Variants in LMF2 observed in about 807,000 individuals in gnomAD.
LMF2 encodes the protein lipase maturation factor 2.
In LMF2, 113 loss-of-function variants were observed where a neutral mutation model predicts 81.5. That is an observed-to-expected ratio of 1.39 (90% CI 1.19 to 1.62). The LOEUF (loss-of-function observed/expected upper bound fraction) is 1.62, where lower values mean the gene tolerates loss of function less well. LMF2 is among the 40% of genes most tolerant of loss of function. The pLI is 0.00. For synonymous variants in LMF2, 645 were observed against 424.5 expected (o/e 1.52, Z -6.39); for missense variants, 1,235 against 929.1 (o/e 1.33, Z -4.28).
In LMF2 at chr22:50,503,861, C is replaced by T. The variant is rs200798239; in HGVS notation, c.1762G>A (p.Val588Met). Residue 588 changes from valine to methionine, a missense_variant, in exon 13 of 14, where the codon GTG becomes ATG. Physicochemically the swap from Val to Met is conservative, Grantham distance 21 (BLOSUM62 1). Transcript: ENST00000474879. ...RQWVEEFFPS[V>M]SLGDPTLETL... ...TCCAGCGTGGGGTCCCCCAGGGACA[C>T]GGATGGGAAGAACTCCTCCACCCAC... 951 of 1,606,136 alleles carry T rather than the reference C, an allele frequency of 5.9e-4. No individual in the cohort carries two copies. Among genetic ancestry groups the T allele is most frequent in the Non-Finnish European group, 7.2e-4 (854 of 1,179,484 alleles).
Position 50,503,735 on chromosome 22 carries a change from T to C in LMF2, c.1816-36A>G, listed in dbSNP as rs759064460. 6 of 1,587,380 alleles carry C rather than the reference T, an allele frequency of 3.8e-6. No homozygotes were observed. In the African/African-American group the frequency reaches 5.4e-5, roughly 14 times the overall value. On this transcript the variant is annotated intron_variant, in intron 13 of 13. Coordinates refer to ENST00000474879, the MANE Select transcript of LMF2 (RefSeq NM_033200.3). ...GAGGGAGGGAGGGAGGTTGGGGAAGTGCTTACTGGGTTTACCCCGGGAGGC... is the reference window on the plus strand; with the variant it reads ...GAGGGAGGGAGGGAGGTTGGGGAAGCGCTTACTGGGTTTACCCCGGGAGGC...
rs2068560357 is a variant in LMF2, at chr22:50,506,202, G to A, written c.607C>T (p.His203Tyr). The change falls in exon 5 of 14, where the codon CAC (histidine) becomes TAC (tyrosine). Residue 203 changes from histidine (H) to tyrosine (Y), a missense_variant. Physicochemically the swap from His to Tyr is moderately conservative, Grantham distance 83. Coordinates refer to ENST00000474879, the MANE Select transcript of LMF2 (RefSeq NM_033200.3). Reference protein sequence around the residue: ...AWWGLTALTYHYETQCLPTPA... With the variant: ...AWWGLTALTYYYETQCLPTPA... ...GTGGGCAGGCACTGGGTCTCGTAGT[G>A]GTAGGTGAGGGCTGCAGGCGAGGGC... The A allele has an allele frequency of 6.4e-7, 1 of 1,556,674 alleles. No individual in the cohort carries two copies. Among genetic ancestry groups the A allele is most frequent in the Non-Finnish European group, 8.7e-7 (1 of 1,150,338 alleles).
chr22:50,503,278 G>A lies in LMF2; in HGVS notation c.*113C>T, dbSNP rs2068453201. On this transcript the variant is annotated 3_prime_UTR_variant, in exon 14 of 14. Coordinates refer to ENST00000474879, the MANE Select transcript of LMF2 (RefSeq NM_033200.3). The stretch of plus-strand genomic sequence containing the variant: ...AACCCCAGGGGCAGCCCCCCAACCT[G>A]TGCCTGGCCCTGCAGGGTCAGCTAA... The A allele has an allele frequency of 2.5e-6, 3 of 1,179,112 alleles. No individual in the cohort carries two copies. The highest frequency in any genetic ancestry group is 1.6e-5 in the African/African-American group (1 of 64,138). The allele number at this position is 1,179,112 out of a possible 1,614,324, so 73.0% of individuals were successfully genotyped here.
Position 50,505,081 on chromosome 22 carries a change from G to A in LMF2, c.1230C>T (p.Thr410=), listed in dbSNP as rs58516993. The A allele has an allele frequency of 4.5e-4, 733 of 1,612,982 alleles. 4 individuals carry two copies. The African/African-American group carries it at 8.2e-3, about 18-fold the overall frequency. ...CCAGGCTAATCAGGAACAAGGCCAC[G>A]GTCGCAGTGCCCACAAGGGACAGTT... ...VVQLSLVGTA[T]VALFLISLVP... Residue 410 remains threonine, a synonymous_variant, in exon 9 of 14, where the codon ACC becomes ACT. Coordinates refer to ENST00000474879, the MANE Select transcript of LMF2 (RefSeq NM_033200.3).
chr22:50,505,513 G>C lies in LMF2; in HGVS notation c.941C>G (p.Thr314Ser). 6.2e-7 allele frequency: 1 copy of C among 1,612,656 alleles called. No homozygotes were observed. ...GGCTAGTTCCAGCAGCAGCGACAGG[G>C]TGGCCAGCAGGGCCTTGGGCCAGGC... is the stretch of plus-strand genomic sequence containing the variant. ...ATSWPKALLA[T>S]LSLLLELAVY... Residue 314 changes from threonine (T) to serine (S), a missense_variant, in exon 7 of 14, where the codon ACC becomes AGC. Thr to Ser is a moderately conservative substitution (Grantham distance 58). Coordinates refer to ENST00000474879, the MANE Select transcript of LMF2 (RefSeq NM_033200.3).
chr22:50,506,291 G>GC lies in LMF2; in HGVS notation c.588dup (p.Leu197AlafsTer40). On this transcript the variant is annotated frameshift_variant, in exon 4 of 14. Transcript: ENST00000474879. LOFTEE classifies it high-confidence loss of function. The stretch of plus-strand genomic sequence containing the variant: ...TCCAGACCGGGCCCCTCACCAGTGA[G>GC]CCCCCACCACGCAGGGCAGCGGCTG... 2 of 1,549,058 alleles carry GC rather than the reference G, an allele frequency of 1.3e-6. No individual in the cohort carries two copies. The highest frequency in any genetic ancestry group is 2.4e-5 in the South Asian group (2 of 84,000).
chr22:50,505,797 T>C lies in LMF2; in HGVS notation c.793A>G (p.Ile265Val). 6.2e-7 allele frequency: 1 copy of C among 1,613,070 alleles called. No homozygotes were observed. Among genetic ancestry groups the C allele is most frequent in the Non-Finnish European group, 8.5e-7 (1 of 1,179,918 alleles). ...FYSQVLLQVL[I>V]IITGNYNFFN... ...AAGTTGTAGTTGCCGGTGATGATAA[T>C]CAGGACCTGCAGCAGCACCTGGGGG... The change falls in exon 6 of 14, where the codon ATT (isoleucine) becomes GTT (valine). Residue 265 changes from isoleucine (I) to valine (V), a missense_variant. Ile to Val is a conservative substitution (Grantham distance 29, BLOSUM62 3). Transcript: ENST00000474879.
rs1293988773 is a variant in LMF2 at position 50,504,647 on chromosome 22, C to T, written c.1518G>A (p.Trp506Ter). ...GGCCCAGGGCTGCAAACCACATCTG[C>T]CAGTCCAGGCGTGGCTGGTGGGGCA... ...VVVPHQPRLD[W>*]QMWFAALGPH... The change falls in exon 11 of 14, where the codon TGG (tryptophan) becomes TGA (stop). Residue 506 changes from tryptophan to a stop codon, truncating the protein, a stop_gained. Coordinates refer to ENST00000474879, the MANE Select transcript of LMF2 (RefSeq NM_033200.3). LOFTEE classifies it high-confidence loss of function. 2.5e-6 allele frequency: 4 copies of T among 1,608,752 alleles called. No individual in the cohort carries two copies. The highest frequency in any genetic ancestry group is 1.7e-5 in the Admixed American group (1 of 59,484).
Position 50,506,903 on chromosome 22 carries a change from T to A in LMF2, c.227A>T (p.Gln76Leu). ...EAPRLGLDTAQGLELLSLLGA... is the reference protein window; with the variant it reads ...EAPRLGLDTALGLELLSLLGA... ...CAGCAGGCTCAGCAGCTCCAGGCCC[T>A]GGGCCGTGTCCAGCCCCAGTCTCGG... Residue 76 changes from glutamine to leucine, a missense_variant, in exon 2 of 14, where the codon CAG becomes CTG. Physicochemically the swap from Gln to Leu is moderately radical, Grantham distance 113. Coordinates refer to ENST00000474879, the MANE Select transcript of LMF2 (RefSeq NM_033200.3). The A allele has an allele frequency of 1.9e-6, 3 of 1,583,462 alleles. No homozygotes were observed. Among genetic ancestry groups the A allele is most frequent in the Non-Finnish European group, 2.6e-6 (3 of 1,166,328 alleles).
chr22:50,503,801 C>T lies in LMF2; in HGVS notation c.1815+7G>A. 1.2e-6 allele frequency: 2 copies of T among 1,604,282 alleles called. No individual in the cohort carries two copies. The highest frequency in any genetic ancestry group is 1.7e-6 in the Non-Finnish European group (2 of 1,179,022). The stretch of plus-strand genomic sequence containing the variant: ...CACCTCCCCCAGCCTGGCTGACACC[C>T]CCTTACCTGTAGTCCAAACTGCCTG... On this transcript the variant is annotated splice_region_variant and intron_variant, in intron 13 of 13. Coordinates refer to ENST00000474879, the MANE Select transcript of LMF2 (RefSeq NM_033200.3).
rs762205508 is a variant in LMF2, at chr22:50,503,744, G to A, written c.1816-45C>T. ...AGGGAGGTTGGGGAAGTGCTTACTG[G>A]GTTTACCCCGGGAGGCTGGGGTCAC... is the stretch of plus-strand genomic sequence containing the variant. On this transcript the variant is annotated intron_variant, in intron 13 of 13. Coordinates refer to ENST00000474879, the MANE Select transcript of LMF2 (RefSeq NM_033200.3). 8.2e-6 allele frequency: 13 copies of A among 1,590,886 alleles called. No individual in the cohort carries two copies. In the South Asian group the frequency reaches 1.0e-4, roughly 12 times the overall value.
At chr22:50,503,753 C>G in intron 13 of LMF2, 54 bp from the exon 14 acceptor site, 2 of 1,591,690 alleles carry the variant, frequency 1.3e-6, no homozygotes, top group Non-Finnish European at 1.7e-6. Context: ...GGGTTTACCC[C>G]GGGAGGCTGG....
intron 13 of LMF2, 39 bp downstream of exon 13, chr22:50,503,769 C>A: frequency 1.3e-6 from 2 of 1,595,262 alleles, no homozygotes; most frequent in South Asian, 2.2e-5. Context: ...GCTGGGGTCA[C>A]CCCTGCCACC....
rs533892145 is a variant in LMF2, at chr22:50,504,958, C to A, written c.1281G>T (p.Gly427=). ...SLVPYSYVEP[G]THGRLWTGAH... is the part of the protein sequence containing the mutation. ...CCCCGGTCCAGAGGCGCCCGTGGGT[C>A]CCGGGCTCCACGTAGGAGTACGGCA... Residue 427 remains glycine (G), a synonymous_variant, in exon 10 of 14, where the codon GGG becomes GGT. Coordinates refer to ENST00000474879, the MANE Select transcript of LMF2 (RefSeq NM_033200.3). 6 of 1,608,728 alleles carry A rather than the reference C, an allele frequency of 3.7e-6. No individual in the cohort carries two copies. The South Asian group carries it at 6.6e-5, about 18-fold the overall frequency.
At position 50,504,435 on chromosome 22, in the gene LMF2, C is replaced by G; in HGVS notation, c.1623G>C (p.Gln541His). 1 of 1,611,948 alleles carries G rather than the reference C, an allele frequency of 6.2e-7. No homozygotes were observed. The highest frequency in any genetic ancestry group is 8.5e-7 in the Non-Finnish European group (1 of 1,179,654). Residue 541 changes from glutamine (Q) to histidine (H), a missense_variant, in exon 12 of 14, where the codon CAG becomes CAC. By Grantham distance (24) the Gln-to-His change is conservative. Coordinates refer to ENST00000474879, the MANE Select transcript of LMF2 (RefSeq NM_033200.3). ...GGAAGGGATACCTGGCCACTTGGCT[C>G]TGGACAAGGCGGATCACTGCAGCGA... Reference protein sequence around the residue: ...QGKEPVIRLVQSQVARYPFHK... With the variant: ...QGKEPVIRLVHSQVARYPFHK...
At position 50,506,188 on chromosome 22, in the gene LMF2, C is replaced by T. The variant is rs1474953615; in HGVS notation, c.621G>A (p.Gln207=). Residue 207 remains glutamine (Q), a synonymous_variant, in exon 5 of 14, where the codon CAG becomes CAA. Coordinates refer to ENST00000474879, the MANE Select transcript of LMF2 (RefSeq NM_033200.3). ...LTALTYHYET[Q]CLPTPAAWFA... Reference sequence around the variant, plus strand: ...ACCAGGCGGCGGGCGTGGGCAGGCACTGGGTCTCGTAGTGGTAGGTGAGGG... The same window carrying T: ...ACCAGGCGGCGGGCGTGGGCAGGCATTGGGTCTCGTAGTGGTAGGTGAGGG... 7.1e-6 allele frequency: 11 copies of T among 1,560,282 alleles called. No individual in the cohort carries two copies. Among genetic ancestry groups the T allele is most frequent in the African/African-American group, 1.4e-5 (1 of 73,744 alleles).
chr22:50,507,462 C>T, intron 1 of LMF2, 120 bp downstream of exon 1: 1 of 804,150 alleles, frequency 1.2e-6, no homozygotes, highest in Non-Finnish European at 2.1e-6. Flanking sequence ...CCGCCCCCTA[C>T]CCCACGCCAA....
In LMF2 at chr22:50,507,648, G is replaced by A; in HGVS notation, c.28C>T (p.Leu10Phe). 6.4e-7 allele frequency: 1 copy of A among 1,552,426 alleles called. No individual in the cohort carries two copies. The highest frequency in any genetic ancestry group is 2.0e-5 in the Admixed American group (1 of 51,074). Residue 10 changes from leucine to phenylalanine, a missense_variant, in exon 1 of 14, where the codon CTC becomes TTC. Physicochemically the swap from Leu to Phe is conservative, Grantham distance 22 (BLOSUM62 0). Transcript: ENST00000474879. Reference sequence around the variant, plus strand: ...ACGGCCGCCACGCCCTGGAGGAAGAGCTGCCGCGGGAGCCGGGAGCCCGCC... The same window carrying A: ...ACGGCCGCCACGCCCTGGAGGAAGAACTGCCGCGGGAGCCGGGAGCCCGCC... Reference protein sequence around the residue: MAGSRLPRQLFLQGVAAVFM... With the variant: MAGSRLPRQFFLQGVAAVFM...
In LMF2 at chr22:50,506,674, G is replaced by C. The variant is rs752616505; in HGVS notation, c.349-8C>G. 3 of 1,613,688 alleles carry C rather than the reference G, an allele frequency of 1.9e-6. No homozygotes were observed. In the Middle Eastern group the frequency reaches 4.9e-4, roughly 266 times the overall value. ...AAGGAACACCTGGCCCACCTGCGGA[G>C]AGAGGGGCTGTCAGGGAGCGGGTGT... On this transcript the variant is annotated splice_polypyrimidine_tract_variant and splice_region_variant and intron_variant, in intron 2 of 13. Coordinates refer to ENST00000474879, the MANE Select transcript of LMF2 (RefSeq NM_033200.3).
Sources: gnomAD v4.1 joint callset for allele counts on GRCh38, gnomAD v4.1.1 for gene constraint, MANE v1.5 for transcripts, NCBI Gene and HGNC (gene_info 2026-07-23, HGNC 2026-07-21) for gene names.